The following RANBP17 variants were observed in gnomAD, a reference collection of about 807,000 sequenced individuals.
RANBP17 encodes the protein RAN binding protein 17.
Under a neutral mutation model 141.2 loss-of-function variants are expected in RANBP17, and 158 were observed. The ratio of observed to expected loss-of-function variants is 1.12; its 90% CI spans 0.98 to 1.28. The LOEUF is 1.28. Among genes scored for constraint, RANBP17 ranks in the 50% most tolerant of loss-of-function variants. RANBP17 has a pLI of 0.00. For synonymous variants in RANBP17, 430 were observed against 450.0 expected, an observed-to-expected ratio of 0.96 and a Z score of 0.56; for missense variants, 1,438 against 1,290.7, an observed-to-expected ratio of 1.11 and a Z score of -1.75.
intron 5 of RANBP17, among the ~76,000 whole-genome samples, chr5:170,908,560 G>GT (rs1190427654): frequency 6.7e-6 from 1 of 150,334 alleles, no homozygotes; most frequent in Non-Finnish European, 1.5e-5. Context: ...TGACTTTTGG[G>GT]TGACAGGATC....
intron 14 of RANBP17, among the ~76,000 whole-genome samples, chr5:171,085,244 C>G (rs1255040947): frequency 7.7e-5 from 11 of 143,244 alleles, no homozygotes; most frequent in Non-Finnish European, 1.2e-4. Flanking sequence ...TCTTGTTTTT[C>G]TCAGGTTTGT....
At chr5:171,178,499 A>G (rs1760662087) in intron 16 of RANBP17, among the ~76,000 whole-genome samples, 1 of 152,100 alleles carries the variant, frequency 6.6e-6, no homozygotes, top group Admixed American at 6.5e-5. Context: ...ATGTGTCTTC[A>G]TAGTAGAATG....
Position 170,968,270 on chromosome 5 carries a change from A to G in RANBP17, c.1603A>G (p.Thr535Ala). The G allele has an allele frequency of 1.3e-6, 2 of 1,598,036 alleles. No individual in the cohort carries two copies. Among genetic ancestry groups the G allele is most frequent in the South Asian group, 1.1e-5 (1 of 87,394 alleles). Residue 535 changes from threonine (T) to alanine (A), a missense_variant, in exon 14 of 28, where the codon ACC (threonine) becomes GCC (alanine). Physicochemically the swap from Thr to Ala is moderately conservative, Grantham distance 58 (BLOSUM62 0). Coordinates refer to ENST00000523189, the MANE Select transcript of RANBP17 (RefSeq NM_022897.5). ...RVFQLISLMD[T>A]GLPRCCNEKI... The stretch of plus-strand genomic sequence containing the variant: ...TTTTCAGCTTATATCTTTAATGGAT[A>G]CCGGATTGCCTCGATGTTGTAATGA...
chr5:171,095,694 T>C (rs1202166267), intron 14 of RANBP17, among the ~76,000 whole-genome samples: 4 of 152,080 alleles, frequency 2.6e-5, no homozygotes, highest in Admixed American at 2.6e-4. Context: ...TTTCCGTGGA[T>C]TGTATAAAGA....
At chr5:170,927,562 G>A (rs574268512) in intron 12 of RANBP17, among the ~76,000 whole-genome samples, 2 of 151,968 alleles carry the variant, frequency 1.3e-5, no homozygotes, top group South Asian at 4.2e-4. Context: ...TTTCTATTGG[G>A]TTGTTGGTCC....
chr5:171,240,822 G>T, intron 22 of RANBP17, 106 bp from the exon 23 acceptor site: 1 of 652,040 alleles, frequency 1.5e-6, no homozygotes, highest in Non-Finnish European at 2.6e-6. Context: ...AAATATGCTG[G>T]GAGGAAGTGA....
chr5:170,911,085 A>G lies in RANBP17; in HGVS notation c.711A>G (p.Glu237=), dbSNP rs774376300. The G allele has an allele frequency of 8.1e-6, 13 of 1,610,846 alleles. No individual in the cohort carries two copies. In the African/African-American group the frequency reaches 1.5e-4, roughly 18 times the overall value. The part of the protein sequence containing the change: ...NFDFIGSSAD[E]SADDLCTVQI... Reference sequence around the variant, plus strand: ...ACTTCATTGGCAGTTCAGCAGATGAATCTGCAGATGATCTTTGCACGGTGC... The same window carrying G: ...ACTTCATTGGCAGTTCAGCAGATGAGTCTGCAGATGATCTTTGCACGGTGC... The change falls in exon 7 of 28, where the codon GAA becomes GAG. Residue 237 remains glutamate (E), a synonymous_variant. Coordinates refer to ENST00000523189, the MANE Select transcript of RANBP17 (RefSeq NM_022897.5).
chr5:171,199,891 A>G (rs556438532), intron 19 of RANBP17, 118 bp downstream of exon 19: 2 of 509,610 alleles, frequency 3.9e-6, no homozygotes, highest in South Asian at 3.9e-5. Flanking sequence ...TGCTTTCCCA[A>G]TTGCATGTCT....
chr5:171,019,937 T>C (rs955904093), intron 14 of RANBP17, among the ~76,000 whole-genome samples: 18 of 152,224 alleles, frequency 1.2e-4, no homozygotes, highest in Admixed American at 1.2e-3. Flanking sequence ...CTCTCAACAT[T>C]GCTTTAGCTG....
chr5:171,270,239 A>G (rs983995484), intron 25 of RANBP17, among the ~76,000 whole-genome samples: 2 of 152,192 alleles, frequency 1.3e-5, no homozygotes, highest in Non-Finnish European at 2.9e-5. Context: ...ATGTTCTCCA[A>G]ATAATCCATT....
intron 1 of RANBP17, among the ~76,000 whole-genome samples, chr5:170,876,456 A>G (rs1183636463): frequency 6.6e-6 from 1 of 151,756 alleles, no homozygotes; most frequent in Non-Finnish European, 1.5e-5. Flanking sequence ...GATTGTATGC[A>G]TTTTCCTGTT....
intron 22 of RANBP17, among the ~76,000 whole-genome samples, chr5:171,231,976 A>T (rs899602704): frequency 2.6e-5 from 4 of 152,214 alleles, no homozygotes; most frequent in African/African-American, 7.2e-5. Flanking sequence ...TATCAGTTCA[A>T]TGGAATAAAT....
At chr5:170,880,137 G>A (rs1768537897) in intron 2 of RANBP17, among the ~76,000 whole-genome samples, 1 of 152,044 alleles carries the variant, frequency 6.6e-6, no homozygotes, top group Non-Finnish European at 1.5e-5. Flanking sequence ...CAACTTCTTT[G>A]GAAATATTCT....
At chr5:171,068,057 CTGTT>C in intron 14 of RANBP17, among the ~76,000 whole-genome samples, 1 of 152,010 alleles carries the variant, frequency 6.6e-6, no homozygotes, top group Non-Finnish European at 1.5e-5. Flanking sequence ...TCCTTCTGGA[CTGTT>C]TATTTTTCTT....
intron 14 of RANBP17, among the ~76,000 whole-genome samples, chr5:171,008,343 A>G (rs1280219829): frequency 6.6e-6 from 1 of 152,174 alleles, no homozygotes; most frequent in Non-Finnish European, 1.5e-5. Flanking sequence ...GGATCTCTTC[A>G]CGGAGTGAGG....
At chr5:171,055,770 A>T (rs1783303183) in intron 14 of RANBP17, among the ~76,000 whole-genome samples, 1 of 150,686 alleles carries the variant, frequency 6.6e-6, no homozygotes. Context: ...CAGTTTTCCC[A>T]AGGGGCTTTT....
At chr5:171,132,565 T>C (rs1756995027) in intron 14 of RANBP17, among the ~76,000 whole-genome samples, 1 of 151,830 alleles carries the variant, frequency 6.6e-6, no homozygotes. Flanking sequence ...CTACAAAAAA[T>C]TTAAAAATTA....
chr5:170,941,400 A>G (rs954545332), intron 12 of RANBP17, among the ~76,000 whole-genome samples: 1 of 152,192 alleles, frequency 6.6e-6, no homozygotes, highest in Non-Finnish European at 1.5e-5. Context: ...GAGGAAATTT[A>G]ATAATGGATA....
chr5:170,935,141 T>A (rs1336186371), intron 12 of RANBP17, among the ~76,000 whole-genome samples: 1 of 152,200 alleles, frequency 6.6e-6, no homozygotes, highest in Non-Finnish European at 1.5e-5. Flanking sequence ...CGTGCCATGG[T>A]TTTCAGCTCC....
Sources: allele counts gnomAD v4.1 joint callset (sites outside exome capture counted in the v4.1 genomes callset), GRCh38; gene constraint gnomAD v4.1.1; transcripts MANE v1.5; gene names NCBI Gene and HGNC (gene_info 2026-07-23, HGNC 2026-07-21).